Variants in RFX3 observed in about 807,000 individuals in gnomAD.
RFX3 encodes the protein regulatory factor X3.
Under a neutral mutation model 98.6 loss-of-function variants are expected in RFX3, and 14 were observed. The ratio of observed to expected loss-of-function variants is 0.14; its 90% CI spans 0.09 to 0.22. RFX3 has a LOEUF of 0.22. Among genes scored for constraint, RFX3 ranks in the 10% least tolerant of loss-of-function variants. RFX3 has a pLI of 1.00. For missense variants in RFX3, 639 were observed against 926.9 expected (o/e 0.69, Z 4.03); for synonymous variants, 383 against 328.4 (o/e 1.17, Z -1.80).
intron 2 of RFX3, among the ~76,000 whole-genome samples, chr9:3,384,863 G>A (rs184797181): frequency 1.1e-4 from 16 of 152,088 alleles, no homozygotes; most frequent in Non-Finnish European, 1.5e-4. Context: ...CTCCTCTCTC[G>A]TGCCAGGTCT....
chr9:3,409,338 CT>C (rs1365642787), intron 1 of RFX3, among the ~76,000 whole-genome samples: 7 of 152,206 alleles, frequency 4.6e-5, no homozygotes, highest in Non-Finnish European at 8.8e-5. Flanking sequence ...GAACATGTTG[CT>C]TCCGTTTTAA....
chr9:3,277,036 A>T (rs1205961514), intron 8 of RFX3, among the ~76,000 whole-genome samples: 2 of 152,098 alleles, frequency 1.3e-5, no homozygotes, highest in African/African-American at 4.8e-5. Context: ...TACTACTGAA[A>T]GTAAACAGCA....
intron 15 of RFX3, among the ~76,000 whole-genome samples, chr9:3,234,281 G>T (rs1029908102): frequency 6.6e-6 from 1 of 152,226 alleles, no homozygotes; most frequent in Non-Finnish European, 1.5e-5. Flanking sequence ...CCCTACCAGT[G>T]TAGTGCAAAA....
chr9:3,293,337 T>TA (rs1300718728), intron 5 of RFX3, 79 bp from the exon 6 acceptor site: 1 of 991,180 alleles, frequency 1.0e-6, no homozygotes, highest in Non-Finnish European at 1.5e-6. Context: ...AAATGCAACA[T>TA]ACAGAAATAC....
intron 1 of RFX3, among the ~76,000 whole-genome samples, chr9:3,418,307 G>T (rs1042912166): frequency 6.6e-6 from 1 of 152,202 alleles, no homozygotes; most frequent in African/African-American, 2.4e-5. Context: ...AACAGTGCCT[G>T]ATGCATGGTA....
intron 6 of RFX3, among the ~76,000 whole-genome samples, chr9:3,291,547 G>C (rs909880635): frequency 1.2e-4 from 19 of 152,056 alleles, no homozygotes; most frequent in African/African-American, 4.6e-4. Flanking sequence ...CACTTCATCA[G>C]ACTGCATAAA....
chr9:3,468,892 A>C (rs1848549423), intron 1 of RFX3, among the ~76,000 whole-genome samples: 3 of 152,110 alleles, frequency 2.0e-5, no homozygotes, highest in Middle Eastern at 6.8e-3. Flanking sequence ...AAACATTCTA[A>C]AGGGCAATGT....
chr9:3,518,689 T>C (rs1564199775), intron 1 of RFX3, among the ~76,000 whole-genome samples: 1 of 152,166 alleles, frequency 6.6e-6, no homozygotes. Context: ...ACTTTAATAA[T>C]TAAGCAGCCA....
At chr9:3,407,387 T>G (rs534330930) in intron 1 of RFX3, among the ~76,000 whole-genome samples, 1 of 152,142 alleles carries the variant, frequency 6.6e-6, no homozygotes, top group Non-Finnish European at 1.5e-5. Flanking sequence ...TTATTATGGA[T>G]GAGAAAACTG....
intron 2 of RFX3, among the ~76,000 whole-genome samples, chr9:3,362,962 A>C (rs1469364883): frequency 1.3e-5 from 2 of 152,216 alleles, no homozygotes; most frequent in Non-Finnish European, 2.9e-5. Flanking sequence ...ATATTACATA[A>C]AATACATAAA....
intron 1 of RFX3, among the ~76,000 whole-genome samples, chr9:3,474,700 A>G (rs36019927): frequency 0.048 from 7,353 of 152,332 alleles, 212 homozygotes; most frequent in Middle Eastern, 0.092. Flanking sequence ...ATTTGCCCAA[A>G]CCACAAAATA....
intron 1 of RFX3, among the ~76,000 whole-genome samples, chr9:3,442,158 C>T (rs1488347692): frequency 6.6e-6 from 1 of 152,094 alleles, no homozygotes; most frequent in East Asian, 1.9e-4. Context: ...TGAGATCACA[C>T]CATTGCACTC....
rs771046706 is a variant in RFX3, at chr9:3,330,537, A to G, written c.216-20T>C. 1.3e-6 allele frequency: 2 copies of G among 1,581,816 alleles called. No individual in the cohort carries two copies. The highest frequency in any genetic ancestry group is 4.5e-5 in the East Asian group (2 of 44,280). On this transcript the variant is annotated intron_variant, in intron 3 of 16. Transcript: ENST00000617270. The stretch of plus-strand genomic sequence containing the variant: ...GTTCGGCTTTAGAAGAAGAAGAAAA[A>G]AGAAATTTACTAGCTTATTTATGTC...
chr9:3,394,589 T>C (rs1840663976), intron 2 of RFX3, among the ~76,000 whole-genome samples: 1 of 152,238 alleles, frequency 6.6e-6, no homozygotes, highest in Non-Finnish European at 1.5e-5. Flanking sequence ...GTAAAGAATA[T>C]AACCTTGCAT....
intron 1 of RFX3, among the ~76,000 whole-genome samples, chr9:3,411,632 C>T (rs1199040794): frequency 6.6e-6 from 1 of 150,830 alleles, no homozygotes; most frequent in African/African-American, 2.4e-5. Flanking sequence ...TGTGACACCA[C>T]ATCCAGCTAA....
intron 11 of RFX3, among the ~76,000 whole-genome samples, chr9:3,267,824 T>A (rs939163831): frequency 2.0e-5 from 3 of 151,862 alleles, no homozygotes; most frequent in Admixed American, 6.6e-5. Flanking sequence ...AAATTAATAA[T>A]CCCTTTTGAA....
chr9:3,482,675 A>C (rs573414376), intron 1 of RFX3, among the ~76,000 whole-genome samples: 1 of 152,342 alleles, frequency 6.6e-6, no homozygotes, highest in Non-Finnish European at 1.5e-5. Flanking sequence ...ATTCAAAATC[A>C]TAAAACCCTC....
intron 7 of RFX3, among the ~76,000 whole-genome samples, chr9:3,283,606 T>C (rs1826201660): frequency 6.6e-6 from 1 of 151,806 alleles, no homozygotes; most frequent in Non-Finnish European, 1.5e-5. Context: ...ACGTGCATGC[T>C]TTTACATCTA....
intron 7 of RFX3, among the ~76,000 whole-genome samples, chr9:3,281,565 G>T (rs1429292778): frequency 6.6e-6 from 1 of 151,682 alleles, no homozygotes; most frequent in Non-Finnish European, 1.5e-5. Flanking sequence ...TAATGAAACA[G>T]CACTTGGTTT....
Sources: allele counts gnomAD v4.1 joint callset (sites outside exome capture counted in the v4.1 genomes callset), GRCh38; gene constraint gnomAD v4.1.1; transcripts MANE v1.5; gene names NCBI Gene and HGNC (gene_info 2026-07-23, HGNC 2026-07-21).